The following ZBTB8A variants were observed in gnomAD, a reference collection of about 807,000 sequenced individuals.
ZBTB8A encodes zinc finger and BTB domain-containing protein 8A.
Under a neutral mutation model 37.8 loss-of-function variants are expected in ZBTB8A, and 19 were observed. That is an observed-to-expected ratio of 0.50 (90% CI 0.35 to 0.74). The LOEUF is 0.74. Among genes scored for constraint, ZBTB8A ranks in the 30% least tolerant of loss-of-function variants. The probability of loss-of-function intolerance (pLI) is 0.01; values close to 1 mark genes in which losing one functional copy is unlikely to be tolerated. For missense variants in ZBTB8A, 394 were observed against 537.8 expected, an observed-to-expected ratio of 0.73 and a Z score of 2.65; for synonymous variants, 181 against 185.2, an observed-to-expected ratio of 0.98 and a Z score of 0.19.
intron 2 of ZBTB8A, among the ~76,000 whole-genome samples, chr1:32,577,560 G>A (rs1259504849): frequency 7.1e-6 from 1 of 140,354 alleles, no homozygotes; most frequent in Admixed American, 7.3e-5. Context: ...CCCATCTAAT[G>A]CATTTTTAAT....
chr1:32,601,486 G>C lies in ZBTB8A; in HGVS notation c.*1067G>C, dbSNP rs1644575725. On this transcript the variant is annotated 3_prime_UTR_variant, in exon 5 of 5. Transcript: ENST00000373510. ...CGAAACTCCGTCTCAAAAAAAAAAGGAAAACAAACTAGGAGGTTCTTACCA... is the reference window on the plus strand; with the variant it reads ...CGAAACTCCGTCTCAAAAAAAAAAGCAAAACAAACTAGGAGGTTCTTACCA... 2.5e-6 allele frequency: 1 copy of C among 394,134 alleles called. No individual in the cohort carries two copies. The highest frequency in any genetic ancestry group is 1.4e-4 in the South Asian group (1 of 7,374). The allele number at this position is 394,134 out of a possible 1,614,324, so 24.4% of individuals were successfully genotyped here.
chr1:32,555,408 C>G (rs778307101), intron 2 of ZBTB8A, among the ~76,000 whole-genome samples: 1 of 151,996 alleles, frequency 6.6e-6, no homozygotes, highest in Non-Finnish European at 1.5e-5. Context: ...AATAATAATA[C>G]CATCTCCCCA....
Position 32,581,352 on chromosome 1 carries a change from A to T in ZBTB8A, c.-1-11579A>T, listed in dbSNP as rs1359887392. 1.2e-4 allele frequency among the ~76,000 whole-genome samples: 15 copies of T among 129,264 alleles called. 1 individual carries two copies. The South Asian group carries it at 3.3e-3, about 29-fold the overall frequency. 84.8% of individuals were successfully genotyped at this position (129,264 alleles called of 152,430 possible). Reference sequence around the variant, plus strand: ...TATATAATATATAAAAATATGTATTATATATATATTTTTTTTGAGATAGAG... The same window carrying T: ...TATATAATATATAAAAATATGTATTTTATATATATTTTTTTTGAGATAGAG... On this transcript the variant is annotated intron_variant, in intron 2 of 4. Coordinates refer to ENST00000373510, the MANE Select transcript of ZBTB8A (RefSeq NM_001040441.3).
intron 2 of ZBTB8A, among the ~76,000 whole-genome samples, chr1:32,571,375 A>G (rs1486128462): frequency 6.6e-6 from 1 of 151,998 alleles, no homozygotes; most frequent in Non-Finnish European, 1.5e-5. Context: ...GTTTCCTTCT[A>G]TTTCTGTTTC....
At chr1:32,560,615 C>CTTTTTTTTTTTTTTTTTTTTTTTTTTTT (rs1170510859) in intron 2 of ZBTB8A, among the ~76,000 whole-genome samples, 23 of 90,792 alleles carry the variant, frequency 2.5e-4, no homozygotes, top group South Asian at 8.4e-4. Flanking sequence ...TCTTTTCTTT[C>CTTTTTTTTTTTTTTTTTTTTTTTTTTTT]TTTTTTTTTT....
At position 32,592,928 on chromosome 1, in the gene ZBTB8A, C is replaced by G. The variant is rs1395529287; in HGVS notation, c.-1-3C>G. Reference sequence around the variant, plus strand: ...GTAACCACATGTGTCTTTTCCTCTTCAGAATGGAGATCTCCTCTCATCAGT... The same window carrying G: ...GTAACCACATGTGTCTTTTCCTCTTGAGAATGGAGATCTCCTCTCATCAGT... On this transcript the variant is annotated splice_polypyrimidine_tract_variant and splice_region_variant and intron_variant, in intron 2 of 4. Coordinates refer to ENST00000373510, the MANE Select transcript of ZBTB8A (RefSeq NM_001040441.3). 1 of 1,588,440 alleles carries G rather than the reference C, an allele frequency of 6.3e-7. No homozygotes were observed. The highest frequency in any genetic ancestry group is 8.6e-7 in the Non-Finnish European group (1 of 1,168,466).
Position 32,595,233 on chromosome 1 carries a change from A to AT in ZBTB8A, c.993+18dup, listed in dbSNP as rs11327743. ...TAGCCATTTTCGAACAGTATGTATG[A>AT]TTTTTTTTCATCGTTTTACTAATTC... On this transcript the variant is annotated intron_variant, in intron 4 of 4. Coordinates refer to ENST00000373510, the MANE Select transcript of ZBTB8A (RefSeq NM_001040441.3). 8.4e-4 allele frequency: 1,341 copies of AT among 1,596,232 alleles called. 11 individuals are homozygous for AT. The Admixed American group carries it at 0.017, about 20-fold the overall frequency.
At chr1:32,598,483 C>T (rs1644550203) in intron 4 of ZBTB8A, among the ~76,000 whole-genome samples, 1 of 151,886 alleles carries the variant, frequency 6.6e-6, no homozygotes, top group Non-Finnish European at 1.5e-5. Context: ...GTGATCCACT[C>T]ACCTCAGCCT....
intron 1 of ZBTB8A, among the ~76,000 whole-genome samples, chr1:32,550,657 TC>T (rs1409502525): frequency 1.3e-5 from 2 of 150,776 alleles, no homozygotes. Context: ...AGATCAGTTC[TC>T]TTAAAAAGCC....
chr1:32,552,185 G>A lies in ZBTB8A; in HGVS notation c.-83-1274G>A, dbSNP rs117310870. ...TTGAGACCAGCCTGGGCAACATGACGAAACCTCATCTTTCTAAAAAATACA... is the reference window on the plus strand; with the variant it reads ...TTGAGACCAGCCTGGGCAACATGACAAAACCTCATCTTTCTAAAAAATACA... On this transcript the variant is annotated intron_variant, in intron 1 of 4. Transcript: ENST00000373510. Among the ~76,000 whole-genome samples, 16 of 152,214 alleles carry A rather than the reference G, an allele frequency of 1.1e-4. No individual in the cohort carries two copies. In the East Asian group the frequency reaches 1.7e-3, roughly 17 times the overall value.
intron 2 of ZBTB8A, among the ~76,000 whole-genome samples, chr1:32,586,015 C>G (rs1644445844): frequency 6.9e-6 from 1 of 144,020 alleles, no homozygotes; most frequent in African/African-American, 2.6e-5. Context: ...AAAACAAAAA[C>G]AAAAAAAAAG....
At chr1:32,580,187 C>T (rs915422120) in intron 2 of ZBTB8A, among the ~76,000 whole-genome samples, 3 of 151,962 alleles carry the variant, frequency 2.0e-5, no homozygotes, top group Non-Finnish European at 2.9e-5. Context: ...GCCAAGATCG[C>T]ACCACTGCAT....
Position 32,604,692 on chromosome 1 carries a change from G to A in ZBTB8A, c.*4273G>A, listed in dbSNP as rs1056099280. ...AAGTACTGCCTAATGGATGAAAGAA[G>A]TTTGGTGCTTCAATTATTTATGAGC... On this transcript the variant is annotated 3_prime_UTR_variant, in exon 5 of 5. Transcript: ENST00000373510. The A allele has an allele frequency of 4.6e-5, 7 of 152,126 alleles. No individual in the cohort carries two copies. Among genetic ancestry groups the A allele is most frequent in the Admixed American group, 4.6e-4 (7 of 15,260 alleles). 9.4% of individuals were successfully genotyped at this position (152,126 alleles called of 1,614,324 possible). A position where few individuals can be genotyped will look rare whatever the true frequency, so the allele number is the denominator to read the frequency against.
chr1:32,592,609 C>A (rs1350637264), intron 2 of ZBTB8A, among the ~76,000 whole-genome samples: 1 of 151,358 alleles, frequency 6.6e-6, no homozygotes, highest in Non-Finnish European at 1.5e-5. Context: ...CAGGTTCAAG[C>A]GATTTGTCTG....
chr1:32,594,224 A>G (rs940742746), intron 3 of ZBTB8A, among the ~76,000 whole-genome samples: 3 of 151,932 alleles, frequency 2.0e-5, no homozygotes, highest in Non-Finnish European at 4.4e-5. Flanking sequence ...AATTCATTTC[A>G]TAAAACGTGG....
chr1:32,593,882 T>A, intron 3 of ZBTB8A, 128 bp downstream of exon 3: 1 of 732,884 alleles, frequency 1.4e-6, no homozygotes. Context: ...TCAAAAGTTC[T>A]ATTTTTGTAA....
At chr1:32,564,985 A>T (rs1170981100) in intron 2 of ZBTB8A, among the ~76,000 whole-genome samples, 1 of 152,172 alleles carries the variant, frequency 6.6e-6, no homozygotes, top group Non-Finnish European at 1.5e-5. Context: ...TCTGTTGTTC[A>T]TCAGTTTGGC....
At chr1:32,570,222 A>T (rs930264196) in intron 2 of ZBTB8A, among the ~76,000 whole-genome samples, 3 of 152,210 alleles carry the variant, frequency 2.0e-5, no homozygotes, top group Non-Finnish European at 4.4e-5. Context: ...TGACTAAAAA[A>T]TCAATTGATA....
chr1:32,539,814 G>A (rs1332147220), intron 1 of ZBTB8A, among the ~76,000 whole-genome samples: 5 of 4,836 alleles, frequency 1.0e-3, no homozygotes, highest in Non-Finnish European at 2.1e-3. Flanking sequence ...GGCCCGGCCC[G>A]GGGAAAGGCG....
Sources: gnomAD v4.1 joint callset for allele counts (sites outside exome capture counted in the v4.1 genomes callset) on GRCh38, gnomAD v4.1.1 for gene constraint, MANE v1.5 for transcripts, NCBI Gene and HGNC (gene_info 2026-07-23, HGNC 2026-07-21) for gene names.